Variants in LAMA5 observed in about 807,000 individuals in gnomAD.
LAMA5 encodes the protein laminin subunit alpha-5.
A neutral mutation model predicts 433.4 loss-of-function variants in LAMA5; 260 were observed. That is an observed-to-expected ratio of 0.60 (90% CI 0.54 to 0.66). The LOEUF (loss-of-function observed/expected upper bound fraction) is 0.66, where lower values mean the gene tolerates loss of function less well. LAMA5 is among the 30% of genes least tolerant of loss of function. The pLI, the probability that LAMA5 is intolerant of heterozygous loss-of-function variation, is 0.00. For synonymous variants in LAMA5, 2,620 were observed against 2,226.6 expected, an observed-to-expected ratio of 1.18 and a Z score of -4.97; for missense variants, 5,378 against 5,258.5, an observed-to-expected ratio of 1.02 and a Z score of -0.70.
chr20:62,311,737 C>G lies in LAMA5; in HGVS notation c.9683G>C (p.Arg3228Pro). Residue 3228 changes from arginine (R) to proline (P), a missense_variant, in exon 71 of 80, where the codon CGG (arginine) becomes CCG (proline). Coordinates refer to ENST00000252999, the MANE Select transcript of LAMA5 (RefSeq NM_005560.6). ...CGGCTGGAGCTCGGGGGGTGGTCCC[C>G]GGTGGGGCTTCATCTGCTGGAGCTG... ...DDQLQQMKPH[R>P]GPPPELQPQP... 1 of 1,560,694 alleles carries G rather than the reference C, an allele frequency of 6.4e-7. No individual in the cohort carries two copies. Among genetic ancestry groups the G allele is most frequent in the Non-Finnish European group, 8.7e-7 (1 of 1,153,866 alleles).
rs768635783 is a variant in LAMA5 at position 62,309,793 on chromosome 20, T to C, written c.10871A>G (p.Gln3624Arg). 6.8e-6 allele frequency: 11 copies of C among 1,610,208 alleles called. No homozygotes were observed. In the East Asian group the frequency reaches 2.5e-4, roughly 36 times the overall value. The change falls in exon 79 of 80, where the codon CAG (glutamine) becomes CGG (arginine). Residue 3624 changes from glutamine (Q) to arginine (R), a missense_variant. By Grantham distance (43) the Gln-to-Arg change is conservative. Transcript: ENST00000252999. ...GNVLRLEVDA[Q>R]SNHTVGPLLA... is the part of the protein sequence containing the mutation. ...CAAGGGGCCCACGGTGTGGTTGCTC[T>C]GCGCGTCCACCTCCAGCCGGAGCAC...
chr20:62,320,442 C>A, intron 50 of LAMA5, 117 bp downstream of exon 50: 1 of 743,402 alleles, frequency 1.3e-6, no homozygotes, highest in Non-Finnish European at 2.3e-6. Context: ...GAGCTCCTGT[C>A]CCCTGCACTG....
In LAMA5 at chr20:62,346,986, G is replaced by A. The variant is rs752120644; in HGVS notation, c.999C>T (p.Cys333=). The part of the protein sequence containing the change: ...TCQHNTCGGT[C]DRCCPGFNQQ... ...GATTGAAGCCGGGGCAGCAGCGGTCGCAGGTGCCCCCGCAGGTGTTGTGCT... is the reference window on the plus strand; with the variant it reads ...GATTGAAGCCGGGGCAGCAGCGGTCACAGGTGCCCCCGCAGGTGTTGTGCT... Residue 333 remains cysteine, a synonymous_variant, in exon 7 of 80, where the codon TGC becomes TGT. Coordinates refer to ENST00000252999, the MANE Select transcript of LAMA5 (RefSeq NM_005560.6). 2.8e-5 allele frequency: 45 copies of A among 1,612,382 alleles called. No individual in the cohort carries two copies. In the African/African-American group the frequency reaches 3.3e-4, roughly 12 times the overall value.
At chr20:62,329,348 T>C (rs2146176534) in intron 32 of LAMA5, 95 bp from the exon 33 acceptor site, 2 of 918,478 alleles carry the variant, frequency 2.2e-6, no homozygotes, top group Non-Finnish European at 1.7e-6. Context: ...TGCAGGCAGC[T>C]CAGAGTCCTG....
chr20:62,331,199 T>TG (rs1232738394), intron 28 of LAMA5, 70 bp from the exon 29 acceptor site: 19 of 215,562 alleles, frequency 8.8e-5, no homozygotes, highest in Non-Finnish European at 1.0e-4. Context: ...GGCGGTACGA[T>TG]GGGGGGGTGC....
At chr20:62,345,591 G>A in intron 11 of LAMA5, 2 of 666,798 alleles carry the variant, frequency 3.0e-6, no homozygotes, top group Non-Finnish European at 5.5e-6. Context: ...ATTTGCTGTA[G>A]AGACAGGGTT....
chr20:62,340,006 G>C (rs1888786994), intron 11 of LAMA5, among the ~76,000 whole-genome samples: 1 of 152,160 alleles, frequency 6.6e-6, no homozygotes, highest in Non-Finnish European at 1.5e-5. Flanking sequence ...TGTGTGCAGG[G>C]AGCTGGGGTG....
chr20:62,367,188 C>CA lies in LAMA5; in HGVS notation c.57_58insT (p.Ala20CysfsTer85). The CA allele has an allele frequency of 8.2e-7, 1 of 1,223,588 alleles. No individual in the cohort carries two copies. The highest frequency in any genetic ancestry group is 3.3e-5 in the South Asian group (1 of 30,474). The allele number at this position is 1,223,588 out of a possible 1,614,324, so 75.8% of individuals were successfully genotyped here. A position where few individuals can be genotyped will look rare whatever the true frequency, so the allele number is the denominator to read the frequency against. On this transcript the variant is annotated frameshift_variant, in exon 1 of 80. Coordinates refer to ENST00000252999, the MANE Select transcript of LAMA5 (RefSeq NM_005560.6). LOFTEE classifies it high-confidence loss of function. ...GCCAGCCCGACCAGCAGCAGCGGCGCGGGGCCCCGGGGGCCGCGAACACAC... is the reference window on the plus strand; with the variant it reads ...GCCAGCCCGACCAGCAGCAGCGGCGCAGGGGCCCCGGGGGCCGCGAACACAC...
rs1303657486 is a variant in LAMA5, at chr20:62,322,384, C to G, written c.6231G>C (p.Glu2077Asp). Residue 2077 changes from glutamate (E) to aspartate (D), a missense_variant, in exon 47 of 80, where the codon GAG becomes GAC. Transcript: ENST00000252999. ...CGCTCTGGGGGTGGCACTCGGAGCC[C>G]TCGGCGGCCGGTCCACAAGCACACG... The part of the protein sequence containing the change: ...CRPCACGPAA[E>D]GSECHPQSGQ... 1.9e-6 allele frequency: 3 copies of G among 1,591,804 alleles called. No individual in the cohort carries two copies. Among genetic ancestry groups the G allele is most frequent in the Non-Finnish European group, 2.6e-6 (3 of 1,170,758 alleles).
At chr20:62,363,969 G>A (rs1248876225) in intron 1 of LAMA5, among the ~76,000 whole-genome samples, 1 of 152,182 alleles carries the variant, frequency 6.6e-6, no homozygotes, top group Admixed American at 6.5e-5. Flanking sequence ...AGCCCCCAGT[G>A]TGGCCACTGC....
chr20:62,314,431 C>T lies in LAMA5; in HGVS notation c.8377G>A (p.Asp2793Asn). The T allele has an allele frequency of 3.7e-6, 6 of 1,613,414 alleles. No homozygotes were observed. The highest frequency in any genetic ancestry group is 5.1e-6 in the Non-Finnish European group (6 of 1,179,930). ...TCACGCAGAGACACACCCATGTAGT[C>T]CCCAGTGGCCTGCGGCAGTGACAGA... The part of the protein sequence containing the change: ...MYMGSRQATG[D>N]YMGVSLRDKK... Residue 2793 changes from aspartate to asparagine, a missense_variant, in exon 62 of 80, where the codon GAC becomes AAC. Asp to Asn is a conservative substitution (Grantham distance 23). Transcript: ENST00000252999.
In LAMA5 at chr20:62,309,078, AC is replaced by A. The variant is rs1985745419; in HGVS notation, c.*257del. The stretch of plus-strand genomic sequence containing the variant: ...ACATTCATTCGGTTACACAGAAGTT[AC>A]TTTTTAATTTTTAAGGAGGAACCAG... On this transcript the variant is annotated 3_prime_UTR_variant, in exon 80 of 80. Transcript: ENST00000252999. The A allele has an allele frequency of 1.6e-6, 1 of 608,480 alleles. No homozygotes were observed. Among genetic ancestry groups the A allele is most frequent in the Non-Finnish European group, 2.7e-6 (1 of 364,116 alleles). 37.7% of individuals were successfully genotyped at this position (608,480 alleles called of 1,614,324 possible).
chr20:62,319,889 C>T (rs1337381502), intron 50 of LAMA5, 94 bp from the exon 51 acceptor site: 2 of 919,010 alleles, frequency 2.2e-6, no homozygotes, highest in African/African-American at 1.6e-5. Flanking sequence ...CCGAGGGTCC[C>T]AGGGAAGAGG....
chr20:62,327,922 C>T lies in LAMA5; in HGVS notation c.4741G>A (p.Glu1581Lys), dbSNP rs748303724. The T allele has an allele frequency of 9.3e-6, 15 of 1,612,388 alleles. 1 individual carries two copies. Among genetic ancestry groups the T allele is most frequent in the Middle Eastern group, 1.7e-4 (1 of 6,054 alleles). Residue 1581 changes from glutamate (E) to lysine (K), a missense_variant, in exon 36 of 80, where the codon GAG becomes AAG. Glu to Lys is a moderately conservative substitution (Grantham distance 56). Transcript: ENST00000252999. ...YPRCRPCDCH[E>K]AGTAPGVCDP... ...CACACGCCAGGCGCAGTGCCCGCCT[C>T]GTGACAGTCACAGGGGCGGCAGCGG...
At chr20:62,323,373 C>T (rs1371625920) in intron 45 of LAMA5, 83 bp downstream of exon 45, 2 of 1,148,768 alleles carry the variant, frequency 1.7e-6, no homozygotes, top group African/African-American at 3.1e-5. Flanking sequence ...GGCACACAGC[C>T]TACTTACGGG....
rs1210946315 is a variant in LAMA5 at position 62,328,346 on chromosome 20, G to A, written c.4547C>T (p.Thr1516Ile). 2 of 1,598,344 alleles carry A rather than the reference G, an allele frequency of 1.3e-6. No individual in the cohort carries two copies. The highest frequency in any genetic ancestry group is 1.3e-5 in the African/African-American group (1 of 74,738). The change falls in exon 35 of 80, where the codon ACC (threonine) becomes ATC (isoleucine). Residue 1516 changes from threonine to isoleucine, a missense_variant. By Grantham distance (89) the Thr-to-Ile change is moderately conservative. Coordinates refer to ENST00000252999, the MANE Select transcript of LAMA5 (RefSeq NM_005560.6). ...GCCGACCAGGGGGTGGCAGCCAAAG[G>A]TCTGGGGCTGGCACAGCAGGCAGTC... Reference protein sequence around the residue: ...PPDCLLCQPQTFGCHPLVGCE... With the variant: ...PPDCLLCQPQIFGCHPLVGCE...
At position 62,333,637 on chromosome 20, in the gene LAMA5, C is replaced by T. The variant is rs963911656; in HGVS notation, c.2948G>A (p.Arg983Lys). ...TEPAFITVPQ[R>K]GFGEPFVLNP... ...CAGCACAAAGGGCTCTCCGAAGCCCCTCTGGGGCACGGTGATGAAGGCAGG... is the reference window on the plus strand; with the variant it reads ...CAGCACAAAGGGCTCTCCGAAGCCCTTCTGGGGCACGGTGATGAAGGCAGG... Residue 983 changes from arginine to lysine, a missense_variant, in exon 24 of 80, where the codon AGG becomes AAG. By Grantham distance (26) the Arg-to-Lys change is conservative. Transcript: ENST00000252999. 10 of 1,588,894 alleles carry T rather than the reference C, an allele frequency of 6.3e-6. No individual in the cohort carries two copies. The highest frequency in any genetic ancestry group is 1.7e-4 in the Middle Eastern group (1 of 6,018).
rs1457857110 is a variant in LAMA5 at position 62,312,914 on chromosome 20, G to A, written c.9052C>T (p.Pro3018Ser). Residue 3018 changes from proline to serine, a missense_variant, in exon 66 of 80, where the codon CCG becomes TCG. Coordinates refer to ENST00000252999, the MANE Select transcript of LAMA5 (RefSeq NM_005560.6). ...LKKAVPLQPPPPLTSASKAIQ... is the reference protein window; with the variant it reads ...LKKAVPLQPPSPLTSASKAIQ... ...GCCTTGCTGGCCGAGGTCAGGGGCG[G>A]TGGGGGCTGCAGTGGGACGGCCTTT... 2 of 1,584,064 alleles carry A rather than the reference G, an allele frequency of 1.3e-6. No individual in the cohort carries two copies. Among genetic ancestry groups the A allele is most frequent in the Non-Finnish European group, 8.6e-7 (1 of 1,163,432 alleles).
chr20:62,330,118 G>A (rs552510857), intron 31 of LAMA5, among the ~76,000 whole-genome samples: 44 of 152,350 alleles, frequency 2.9e-4, no homozygotes, highest in Non-Finnish European at 4.3e-4. Flanking sequence ...GATGTCATGC[G>A]GGACACCTCT....
Sources: allele counts gnomAD v4.1 joint callset (sites outside exome capture counted in the v4.1 genomes callset), GRCh38; gene constraint gnomAD v4.1.1; transcripts MANE v1.5; gene names NCBI Gene and HGNC (gene_info 2026-07-23, HGNC 2026-07-21).